Variants in HERC2 observed in about 807,000 individuals in gnomAD.
HERC2 encodes the protein E3 ubiquitin-protein ligase HERC2.
A neutral mutation model predicts 537.7 loss-of-function variants in HERC2; 102 were observed. The ratio of observed to expected loss-of-function variants is 0.19; its 90% CI spans 0.16 to 0.22. The LOEUF is 0.22. Among genes scored for constraint, HERC2 ranks in the 10% least tolerant of loss-of-function variants. The probability of loss-of-function intolerance (pLI) is 1.00; values close to 1 mark genes in which losing one functional copy is unlikely to be tolerated. For missense variants in HERC2, 4,236 were observed against 6,198.2 expected (o/e 0.68, Z 10.63); for synonymous variants, 2,224 against 2,466.2 (o/e 0.90, Z 2.91).
At chr15:28,274,149 G>A (rs1053064056) in intron 7 of HERC2, 142 bp downstream of exon 7, 15 of 725,572 alleles carry the variant, frequency 2.1e-5, no homozygotes, top group Middle Eastern at 2.4e-4. Context: ...ACCCAGACCC[G>A]GAATCACAGC....
At chr15:28,202,012 A>G (rs1897957395) in intron 47 of HERC2, 101 bp downstream of exon 47, 1 of 1,159,322 alleles carries the variant, frequency 8.6e-7, no homozygotes, top group Non-Finnish European at 1.3e-6. Context: ...CAGTAGATAT[A>G]GTTAATTCTT....
intron 23 of HERC2, among the ~76,000 whole-genome samples, chr15:28,242,080 C>G (rs1903184394): frequency 6.6e-6 from 1 of 152,138 alleles, no homozygotes; most frequent in African/African-American, 2.4e-5. Context: ...AGGATAAATA[C>G]TGTATGGTTC....
chr15:28,308,355 G>C (rs927046472), intron 2 of HERC2, among the ~76,000 whole-genome samples: 10 of 152,022 alleles, frequency 6.6e-5, no homozygotes, highest in Non-Finnish European at 1.5e-4. Flanking sequence ...TTTTCATATT[G>C]TTTACTGTTG....
chr15:28,311,770 A>C (rs2922707), intron 2 of HERC2, among the ~76,000 whole-genome samples: 82 of 152,108 alleles, frequency 5.4e-4, no homozygotes, highest in East Asian at 3.5e-3. Flanking sequence ...CCCTGCCCAG[A>C]CCTGAAAGCA....
chr15:28,149,911 A>G (rs922225927), intron 70 of HERC2, among the ~76,000 whole-genome samples: 1 of 150,268 alleles, frequency 6.7e-6, no homozygotes, highest in African/African-American at 2.4e-5. Flanking sequence ...GAGCATCACC[A>G]AGAACAGCCA....
chr15:28,169,686 T>G (rs764751623), intron 65 of HERC2, 31 bp from the exon 66 acceptor site: 1 of 1,589,188 alleles, frequency 6.3e-7, no homozygotes, highest in Admixed American at 1.8e-5. Flanking sequence ...TTGCATTGTT[T>G]TTAAAATCAC....
At chr15:28,241,147 A>C (rs1339487664) in intron 23 of HERC2, among the ~76,000 whole-genome samples, 1 of 152,192 alleles carries the variant, frequency 6.6e-6, no homozygotes, top group Non-Finnish European at 1.5e-5. Context: ...AATAATATCT[A>C]TGCAGAATAT....
chr15:28,288,910 C>T (rs2076235972), intron 4 of HERC2, among the ~76,000 whole-genome samples: 1 of 151,092 alleles, frequency 6.6e-6, no homozygotes, highest in Non-Finnish European at 1.5e-5. Context: ...AATGTAATTG[C>T]CTATTTAAAG....
intron 5 of HERC2, 35 bp downstream of exon 5, chr15:28,280,033 C>A (rs1215771130): frequency 2.4e-5 from 36 of 1,494,916 alleles, no homozygotes; most frequent in Non-Finnish European, 3.2e-5. Flanking sequence ...TTATATTTAA[C>A]TGGCATCAGG....
chr15:28,276,094 G>A (rs1469353575), intron 5 of HERC2, among the ~76,000 whole-genome samples: 3 of 145,894 alleles, frequency 2.1e-5, no homozygotes, highest in African/African-American at 7.7e-5. Flanking sequence ...GCTGAGGCAG[G>A]ACAATCACTT....
chr15:28,203,472 T>A (rs1424831209), intron 45 of HERC2: 4 of 151,990 alleles, frequency 2.6e-5, no homozygotes, highest in African/African-American at 9.7e-5. Flanking sequence ...AGAGTTCTGG[T>A]TCTGATAATT....
intron 45 of HERC2, among the ~76,000 whole-genome samples, chr15:28,204,436 A>G (rs562802246): frequency 6.6e-6 from 1 of 152,264 alleles, no homozygotes; most frequent in East Asian, 1.9e-4. Flanking sequence ...CCTGGCCAAC[A>G]TGGTAAAACC....
At chr15:28,316,310 T>C (rs1267270778) in intron 2 of HERC2, among the ~76,000 whole-genome samples, 1 of 150,794 alleles carries the variant, frequency 6.6e-6, no homozygotes, top group Non-Finnish European at 1.5e-5. Context: ...CTAGTATTAC[T>C]AGTCTTTTCC....
intron 52 of HERC2, among the ~76,000 whole-genome samples, chr15:28,192,642 A>G (rs1202120144): frequency 6.6e-6 from 1 of 152,236 alleles, no homozygotes; most frequent in Non-Finnish European, 1.5e-5. Flanking sequence ...GGAGAAAATA[A>G]AGAATTACAA....
chr15:28,297,961 T>C (rs2076513270), intron 3 of HERC2, among the ~76,000 whole-genome samples: 1 of 148,650 alleles, frequency 6.7e-6, no homozygotes, highest in East Asian at 2.0e-4. Context: ...TGGCAGAACA[T>C]GGAGGTGGGT....
At chr15:28,166,731 G>A (rs1267796755) in intron 68 of HERC2, among the ~76,000 whole-genome samples, 2 of 151,840 alleles carry the variant, frequency 1.3e-5, no homozygotes, top group Non-Finnish European at 2.9e-5. Context: ...CAATGACCGG[G>A]TCCCAGTGAC....
At chr15:28,161,848 C>G (rs1893632271) in intron 69 of HERC2, among the ~76,000 whole-genome samples, 1 of 152,144 alleles carries the variant, frequency 6.6e-6, no homozygotes, top group Admixed American at 6.5e-5. Flanking sequence ...CAAATGCATA[C>G]AGGAATTTAG....
In HERC2 at chr15:28,182,515, A is replaced by C. The variant is rs753939364; in HGVS notation, c.8826-3T>G. On this transcript the variant is annotated splice_region_variant and splice_polypyrimidine_tract_variant and intron_variant, in intron 56 of 92. Coordinates refer to ENST00000261609, the MANE Select transcript of HERC2 (RefSeq NM_004667.6). ...CAGCAGCCTTCTTTCTAATGAGGCT[A>C]ACCAAACGGAAAAAAAAAAGAAAAA... is the stretch of plus-strand genomic sequence containing the variant. 6.3e-7 allele frequency: 1 copy of C among 1,585,794 alleles called. No individual in the cohort carries two copies. The highest frequency in any genetic ancestry group is 1.4e-5 in the African/African-American group (1 of 73,764).
chr15:28,266,115 A>C, intron 12 of HERC2, 141 bp from the exon 13 acceptor site: 1 of 886,382 alleles, frequency 1.1e-6, no homozygotes, highest in Non-Finnish European at 1.7e-6. Flanking sequence ...TTGTGAAAGA[A>C]GGAAGAGAGA....
Sources: allele counts gnomAD v4.1 joint callset (sites outside exome capture counted in the v4.1 genomes callset), GRCh38; gene constraint gnomAD v4.1.1; transcripts MANE v1.5; gene names NCBI Gene and HGNC (gene_info 2026-07-23, HGNC 2026-07-21).